The following SETX variants were observed in gnomAD, a reference collection of about 807,000 sequenced individuals.
SETX encodes the protein helicase senataxin.
Under a neutral mutation model 227.2 loss-of-function variants are expected in SETX, and 90 were observed. The observed-to-expected ratio is 0.40, with a 90% CI of 0.33 to 0.47. The LOEUF (loss-of-function observed/expected upper bound fraction) is 0.47, where lower values mean the gene tolerates loss of function less well. SETX is among the 20% of genes least tolerant of loss of function. SETX has a pLI of 0.91. For missense variants in SETX, 3,052 were observed against 3,181.5 expected (o/e 0.96, Z 0.98); for synonymous variants, 1,210 against 1,113.2 (o/e 1.09, Z -1.73).
chr9:132,300,823 C>T lies in SETX; in HGVS notation c.5375-20G>A, dbSNP rs755066582. ...GATAAACTATGAAACAAGAAGAAGT[C>T]GGAATTCATATAACTCTAATAGAAT... On this transcript the variant is annotated intron_variant, in intron 11 of 25. Transcript: ENST00000224140. 6.2e-7 allele frequency: 1 copy of T among 1,603,626 alleles called. No homozygotes were observed. The highest frequency in any genetic ancestry group is 8.5e-7 in the Non-Finnish European group (1 of 1,174,146).
Position 132,266,574 on chromosome 9 carries a change from C to T in SETX, c.7288-1589G>A, listed in dbSNP as rs779095572. Among the ~76,000 whole-genome samples the T allele has an allele frequency of 1.7e-4, 26 of 152,198 alleles. 1 individual carries two copies. The highest frequency in any genetic ancestry group is 1.4e-3 in the Admixed American group (22 of 15,294). ...ATCACCTGAGGTCAGAGGTTCAAGA[C>T]GAGCCTGGGCAACATGGTGAAACCC... is the stretch of plus-strand genomic sequence containing the variant. On this transcript the variant is annotated intron_variant, in intron 25 of 25. Transcript: ENST00000224140.
chr9:132,314,703 A>G (rs1209638896), intron 10 of SETX, among the ~76,000 whole-genome samples: 2 of 152,114 alleles, frequency 1.3e-5, no homozygotes, highest in Non-Finnish European at 2.9e-5. Context: ...CTAAGAATAG[A>G]TTATTCTACA....
rs1564539738 is a variant in SETX, at chr9:132,327,560, T to C, written c.4038A>G (p.Gln1346=). ...TGATCTGCCTTTGCATCTGAAGTTC[T>C]TGACTAGTCAGAAGTTTCTTATTAT... is the stretch of plus-strand genomic sequence containing the variant. The part of the protein sequence containing the change: ...VRNNKKLLTS[Q]ELQMQRQIRP... Residue 1346 remains glutamine, a synonymous_variant, in exon 10 of 26, where the codon CAA becomes CAG. Coordinates refer to ENST00000224140, the MANE Select transcript of SETX (RefSeq NM_015046.7). The C allele has an allele frequency of 1.2e-6, 2 of 1,614,158 alleles. No homozygotes were observed. Among genetic ancestry groups the C allele is most frequent in the Admixed American group, 1.7e-5 (1 of 60,034 alleles).
intron 22 of SETX, among the ~76,000 whole-genome samples, chr9:132,276,642 T>A (rs76916479): frequency 0.096 from 14,654 of 152,266 alleles, 931 homozygotes; most frequent in Middle Eastern, 0.18. Flanking sequence ...ACACATGCCC[T>A]TATTCACAAC....
At chr9:132,279,092 A>C (rs1055585331) in intron 20 of SETX, among the ~76,000 whole-genome samples, 2 of 152,230 alleles carry the variant, frequency 1.3e-5, no homozygotes, top group Admixed American at 6.5e-5. Flanking sequence ...AGCATTTCAA[A>C]TTTTTGAATT....
intron 6 of SETX, among the ~76,000 whole-genome samples, chr9:132,335,967 C>T (rs964176525): frequency 4.6e-5 from 7 of 152,144 alleles, no homozygotes; most frequent in Non-Finnish European, 1.0e-4. Flanking sequence ...CAGGGCCGGG[C>T]GCGGTAGCTC....
upstream of SETX, among the ~76,000 whole-genome samples, chr9:132,356,101 GACTGTGCC>G (rs1236851491): frequency 2.0e-5 from 3 of 151,980 alleles, no homozygotes; most frequent in Non-Finnish European, 4.4e-5. Context: ...AGTGAGCCGT[GACTGTGCC>G]ACTACACTCC....
intron 10 of SETX, among the ~76,000 whole-genome samples, chr9:132,326,076 TTTTTC>T (rs1846730923): frequency 6.6e-6 from 1 of 152,096 alleles, no homozygotes; most frequent in Admixed American, 6.6e-5. Flanking sequence ...TTTTTTTTGT[TTTTTC>T]TTTTGAGACA....
At chr9:132,326,234 T>G in intron 10 of SETX, 90 bp downstream of exon 10, 1 of 1,067,436 alleles carries the variant, frequency 9.4e-7, no homozygotes, top group South Asian at 1.3e-5. Context: ...GCCTGGCTGA[T>G]TTTTTGAACT....
Position 132,330,210 on chromosome 9 carries a change from A to T in SETX, c.1388T>A (p.Val463Glu). 3 of 1,570,950 alleles carry T rather than the reference A, an allele frequency of 1.9e-6. No homozygotes were observed. The highest frequency in any genetic ancestry group is 1.7e-6 in the Non-Finnish European group (2 of 1,158,560). Residue 463 changes from valine to glutamate, a missense_variant, in exon 10 of 26, where the codon GTA becomes GAA. By Grantham distance (121) the Val-to-Glu change is moderately radical. Transcript: ENST00000224140. Reference protein sequence around the residue: ...KVTEFFLLILVSVIELHRNKK... With the variant: ...KVTEFFLLILESVIELHRNKK... Reference sequence around the variant, plus strand: ...ATTTCTATGCAGTTCAATCACTGATACCAAAATTAGAAGAAAAAATTCAGT... The same window carrying T: ...ATTTCTATGCAGTTCAATCACTGATTCCAAAATTAGAAGAAAAAATTCAGT...
chr9:132,309,695 A>G (rs1186175043), intron 11 of SETX, among the ~76,000 whole-genome samples: 1 of 152,090 alleles, frequency 6.6e-6, no homozygotes, highest in Non-Finnish European at 1.5e-5. Context: ...AAAGAAAAAA[A>G]AAAGGGGGAA....
chr9:132,288,848 C>G (rs1035636704), intron 15 of SETX, among the ~76,000 whole-genome samples, 197 bp from the exon 16 acceptor site: 1 of 152,164 alleles, frequency 6.6e-6, no homozygotes. Flanking sequence ...CCTAACAATC[C>G]TATAAGGCAA....
In SETX at chr9:132,330,326, C is replaced by T. The variant is rs1169995159; in HGVS notation, c.1272G>A (p.Leu424=). The T allele has an allele frequency of 1.2e-6, 2 of 1,613,114 alleles. No homozygotes were observed. The highest frequency in any genetic ancestry group is 1.7e-5 in the Admixed American group (1 of 60,008). ...CAACCTGTGCTATGTAAGCCACACC[C>T]AAATCCTTAAGATCCATGAGGGACT... is the stretch of plus-strand genomic sequence containing the variant. ...FVQSLMDLKD[L]GVAYIAQVVN... is the part of the protein sequence containing the mutation. The change falls in exon 10 of 26, where the codon TTG becomes TTA. Residue 424 remains leucine (L), a synonymous_variant. Coordinates refer to ENST00000224140, the MANE Select transcript of SETX (RefSeq NM_015046.7).
At chr9:132,297,628 T>C (rs1331926932) in intron 13 of SETX, among the ~76,000 whole-genome samples, 3 of 152,248 alleles carry the variant, frequency 2.0e-5, no homozygotes, top group East Asian at 1.9e-4. Context: ...ATGAAAGCCA[T>C]AGCATACAGC....
At chr9:132,334,750 C>G in intron 6 of SETX, 23 bp from the exon 7 acceptor site, 1 of 1,613,118 alleles carries the variant, frequency 6.2e-7, no homozygotes, top group East Asian at 2.2e-5. Context: ...TTAGAGTTAT[C>G]TTGAATTGAT....
chr9:132,299,988 G>A (rs1182516655), intron 12 of SETX, among the ~76,000 whole-genome samples: 1 of 151,794 alleles, frequency 6.6e-6, no homozygotes, highest in Admixed American at 6.6e-5. Flanking sequence ...AAATTAGCCG[G>A]GACTGGTGGC....
intron 11 of SETX, 90 bp downstream of exon 11, chr9:132,311,667 C>T (rs2131355120): frequency 4.5e-6 from 4 of 891,360 alleles, no homozygotes; most frequent in East Asian, 2.6e-5. Flanking sequence ...AAATTTGTGT[C>T]CCCCTAAATT....
At chr9:132,273,539 A>G (rs1169392647) in intron 23 of SETX, among the ~76,000 whole-genome samples, 1 of 152,166 alleles carries the variant, frequency 6.6e-6, no homozygotes, top group African/African-American at 2.4e-5. Context: ...CTTTGGTTCT[A>G]TTTATTCCGA....
At chr9:132,335,402 A>G (rs1428016259) in intron 6 of SETX, among the ~76,000 whole-genome samples, 89 of 150,250 alleles carry the variant, frequency 5.9e-4, no homozygotes, top group Non-Finnish European at 1.2e-3. Context: ...AAAAAAAAAA[A>G]AAAAAAAAAA....
Sources: allele counts gnomAD v4.1 joint callset (sites outside exome capture counted in the v4.1 genomes callset), GRCh38; gene constraint gnomAD v4.1.1; transcripts MANE v1.5; gene names NCBI Gene and HGNC (gene_info 2026-07-23, HGNC 2026-07-21).